Variants in FMNL3 observed in about 807,000 individuals in gnomAD.
FMNL3 encodes the protein formin like 3.
In FMNL3, 57 loss-of-function variants were observed where a neutral mutation model predicts 119.6. The observed-to-expected ratio is 0.48, with a 90% CI of 0.39 to 0.59. The LOEUF (loss-of-function observed/expected upper bound fraction) is 0.59, where lower values mean the gene tolerates loss of function less well. Ranked by LOEUF, FMNL3 falls within the 20% of genes least tolerant of loss-of-function variation. The pLI, the probability that FMNL3 is intolerant of heterozygous loss-of-function variation, is 0.00. For synonymous variants in FMNL3, 491 were observed against 507.3 expected, an observed-to-expected ratio of 0.97 and a Z score of 0.43; for missense variants, 1,053 against 1,323.5, an observed-to-expected ratio of 0.80 and a Z score of 3.17.
rs973530838 is a variant in FMNL3, at chr12:49,637,894, G to C, written c.*7921C>G. The C allele has an allele frequency of 1.9e-5, 24 of 1,287,882 alleles. No individual in the cohort carries two copies. The highest frequency in any genetic ancestry group is 2.7e-5 in the Non-Finnish European group (24 of 895,500). 79.8% of individuals were successfully genotyped at this position (1,287,882 alleles called of 1,614,324 possible). On this transcript the variant is annotated 3_prime_UTR_variant, in exon 26 of 26. Transcript: ENST00000335154. ...GCACACTCCCTGCAGAGGACTCCCT[G>C]ATAAGTCCTGTTTTGCAGAAGCATT... is the stretch of plus-strand genomic sequence containing the variant.
Position 49,639,954 on chromosome 12 carries a change from A to G in FMNL3, c.*5861T>C, listed in dbSNP as rs1426992964. The G allele has an allele frequency of 6.6e-6, 1 of 152,272 alleles. No individual in the cohort carries two copies. Among genetic ancestry groups the G allele is most frequent in the Non-Finnish European group, 1.5e-5 (1 of 68,046 alleles). 9.4% of individuals were successfully genotyped at this position (152,272 alleles called of 1,614,324 possible). On this transcript the variant is annotated 3_prime_UTR_variant, in exon 26 of 26. Coordinates refer to ENST00000335154, the MANE Select transcript of FMNL3 (RefSeq NM_175736.5). Reference sequence around the variant, plus strand: ...GATAGCTAAATTTTATTGGACAATTAACTTTTAGCCACAGAGTGGCTGGTT... The same window carrying G: ...GATAGCTAAATTTTATTGGACAATTGACTTTTAGCCACAGAGTGGCTGGTT...
At chr12:49,666,060 G>C in intron 3 of FMNL3, 67 bp downstream of exon 3, 1 of 1,566,646 alleles carries the variant, frequency 6.4e-7, no homozygotes, top group Non-Finnish European at 8.8e-7. Context: ...AAGTCAAAGG[G>C]TTTGCCCCCA....
intron 1 of FMNL3, among the ~76,000 whole-genome samples, chr12:49,703,779 C>T (rs1565902746): frequency 6.6e-6 from 1 of 152,162 alleles, no homozygotes; most frequent in African/African-American, 2.4e-5. Flanking sequence ...GCTGACAGAT[C>T]ATGTGTCTAG....
chr12:49,637,512 A>C lies in FMNL3; in HGVS notation c.*8303T>G. On this transcript the variant is annotated 3_prime_UTR_variant, in exon 26 of 26. Transcript: ENST00000335154. ...GCATGAGACAGGGCAGCTGCACTCT[A>C]TGTCCACCTGGATGGAGCTATATCC... 1 of 1,613,730 alleles carries C rather than the reference A, an allele frequency of 6.2e-7. No individual in the cohort carries two copies. The highest frequency in any genetic ancestry group is 8.5e-7 in the Non-Finnish European group (1 of 1,179,996).
chr12:49,699,043 C>T (rs1352878731), intron 1 of FMNL3, among the ~76,000 whole-genome samples: 1 of 152,208 alleles, frequency 6.6e-6, no homozygotes, highest in Non-Finnish European at 1.5e-5. Context: ...AAGTCATTTC[C>T]GAACCGCGAT....
In FMNL3 at chr12:49,636,721, G is replaced by A. The variant is rs546835771; in HGVS notation, c.*9094C>T. The A allele has an allele frequency of 2.5e-6, 4 of 1,614,186 alleles. No homozygotes were observed. The South Asian group carries it at 4.4e-5, about 18-fold the overall frequency. On this transcript the variant is annotated 3_prime_UTR_variant, in exon 26 of 26. Transcript: ENST00000335154. The stretch of plus-strand genomic sequence containing the variant: ...AACCTCCTGCCTGTCTTTAGACATG[G>A]ACAAGGAAGATGCACTGATCTGTTT...
Position 49,656,906 on chromosome 12 carries a change from G to A in FMNL3, c.715-7C>T. The A allele has an allele frequency of 6.2e-7, 1 of 1,613,370 alleles. No individual in the cohort carries two copies. Among genetic ancestry groups the A allele is most frequent in the Non-Finnish European group, 8.5e-7 (1 of 1,179,328 alleles). On this transcript the variant is annotated splice_polypyrimidine_tract_variant and splice_region_variant and intron_variant, in intron 7 of 25. Coordinates refer to ENST00000335154, the MANE Select transcript of FMNL3 (RefSeq NM_175736.5). ...TGACCAGGTTGAATCCGTACTGCAA[G>A]GGAAAGGACAGAAGGAGGGGACCTT...
intron 2 of FMNL3, 139 bp downstream of exon 2, chr12:49,668,332 A>G (rs1232918001): frequency 2.7e-6 from 2 of 743,862 alleles, no homozygotes; most frequent in Admixed American, 2.3e-5. Flanking sequence ...CTTGGAAAAG[A>G]AAGTGAACAC....
In FMNL3 at chr12:49,647,964, G is replaced by A. The variant is rs1943261876; in HGVS notation, c.2677-160C>T. Among the ~76,000 whole-genome samples the A allele has an allele frequency of 6.6e-6, 1 of 151,992 alleles. No individual in the cohort carries two copies. The highest frequency in any genetic ancestry group is 2.4e-5 in the African/African-American group (1 of 41,368). The stretch of plus-strand genomic sequence containing the variant: ...CTGGAGGGAACCTGGGGCTCCCAAA[G>A]CTCCTGAGTATGAGTCTCCAGAGGC... On this transcript the variant is annotated intron_variant, in intron 22 of 25. Transcript: ENST00000335154. The surrounding 1 kb of genome is among the most constrained non-coding windows in gnomAD (Gnocchi z 4.9).
chr12:49,673,048 G>A (rs1944088405), intron 1 of FMNL3, among the ~76,000 whole-genome samples: 1 of 152,152 alleles, frequency 6.6e-6, no homozygotes, highest in Non-Finnish European at 1.5e-5. Flanking sequence ...GAAAGTGAGA[G>A]GTAGTTTTAT....
intron 1 of FMNL3, among the ~76,000 whole-genome samples, chr12:49,706,421 C>T (rs947460079): frequency 6.6e-6 from 1 of 152,222 alleles, no homozygotes; most frequent in Non-Finnish European, 1.5e-5. Context: ...AATGGTTTAT[C>T]CACATGTTCA....
intron 1 of FMNL3, among the ~76,000 whole-genome samples, chr12:49,685,426 G>T (rs1379505477): frequency 6.6e-6 from 1 of 151,710 alleles, no homozygotes; most frequent in Non-Finnish European, 1.5e-5. Flanking sequence ...GGTGCCACCG[G>T]ACTCCAGCCT....
intron 1 of FMNL3, among the ~76,000 whole-genome samples, chr12:49,680,580 T>C (rs765643712): frequency 1.2e-4 from 19 of 152,214 alleles, no homozygotes; most frequent in Non-Finnish European, 1.9e-4. Flanking sequence ...CCCAATGCTA[T>C]TTTTGAGTTG....
intron 1 of FMNL3, among the ~76,000 whole-genome samples, chr12:49,690,908 G>A (rs927438120): frequency 1.3e-5 from 2 of 152,248 alleles, no homozygotes; most frequent in Non-Finnish European, 2.9e-5. Flanking sequence ...AGCCAGGCGT[G>A]GTGGTGCACC....
At chr12:49,686,402 A>G (rs534981161) in intron 1 of FMNL3, among the ~76,000 whole-genome samples, 1 of 151,892 alleles carries the variant, frequency 6.6e-6, no homozygotes, top group East Asian at 2.0e-4. Context: ...TAACACAGTG[A>G]AACCCTGTCT....
chr12:49,647,129 C>T lies in FMNL3; in HGVS notation c.2872-120G>A, dbSNP rs991176713. On this transcript the variant is annotated intron_variant, in intron 24 of 25. Transcript: ENST00000335154. This position sits in a 1 kb window ranked among gnomAD's most constrained non-coding sequence, Gnocchi z 4.9. ...GTGCACTGCTAGGAATCCCCAAAGG[C>T]CCTCCCTCCATCCCTCTGGATGCCA... The T allele has an allele frequency of 6.4e-7, 1 of 1,562,804 alleles. No individual in the cohort carries two copies. Among genetic ancestry groups the T allele is most frequent in the East Asian group, 2.2e-5 (1 of 44,454 alleles).
At chr12:49,689,613 A>T in intron 1 of FMNL3, among the ~76,000 whole-genome samples, 1 of 152,194 alleles carries the variant, frequency 6.6e-6, no homozygotes, top group East Asian at 1.9e-4. Context: ...GCTACTAAGG[A>T]GGCTGAAATG....
At chr12:49,660,550 T>C (rs1943702577) in intron 5 of FMNL3, among the ~76,000 whole-genome samples, 1 of 152,142 alleles carries the variant, frequency 6.6e-6, no homozygotes, top group African/African-American at 2.4e-5. Context: ...CAGGATAACC[T>C]GGAAAAGGTG....
rs113376690 is a variant in FMNL3 at position 49,665,001 on chromosome 12, C to T, written c.368+831G>A. 7.6e-3 allele frequency among the ~76,000 whole-genome samples: 1,154 copies of T among 151,840 alleles called. 13 individuals are homozygous for T. Among genetic ancestry groups the T allele is most frequent in the African/African-American group, 0.026 (1,085 of 41,362 alleles). On this transcript the variant is annotated intron_variant, in intron 4 of 25. Coordinates refer to ENST00000335154, the MANE Select transcript of FMNL3 (RefSeq NM_175736.5). Reference sequence around the variant, plus strand: ...GCCAGGCCCTCCCATCAGGTCTATACCCCTGCCTGCAGTTCTACATCACGT... The same window carrying T: ...GCCAGGCCCTCCCATCAGGTCTATATCCCTGCCTGCAGTTCTACATCACGT...
Sources: gnomAD v4.1 joint callset for allele counts (sites outside exome capture counted in the v4.1 genomes callset) on GRCh38, gnomAD v4.1.1 for gene constraint, Gnocchi (gnomAD v3.1) non-coding constraint, MANE v1.5 for transcripts, NCBI Gene and HGNC (gene_info 2026-07-23, HGNC 2026-07-21) for gene names.